Variants in ACOT12 observed in about 807,000 individuals in gnomAD.
ACOT12 encodes acyl-CoA thioesterase 12, also known as acetyl-coenzyme A thioesterase.
ACOT12 carries 51 observed loss-of-function variants against 67.7 expected under a neutral mutation model. That is an observed-to-expected ratio of 0.75 (90% confidence interval 0.60 to 0.95). The LOEUF (loss-of-function observed/expected upper bound fraction) is 0.95. Among genes scored for constraint, ACOT12 ranks in the 40% least tolerant of loss-of-function variants. The pLI, the probability that ACOT12 is intolerant of heterozygous loss-of-function variation, is 0.00. For synonymous variants in ACOT12, 251 were observed against 244.6 expected, an observed-to-expected ratio of 1.03 and a Z score of -0.24; for missense variants, 734 against 708.1, an observed-to-expected ratio of 1.04 and a Z score of -0.41.
At chr5:81,377,032 A>G (rs1760439370) in intron 2 of ACOT12, among the ~76,000 whole-genome samples, 1 of 152,196 alleles carries the variant, frequency 6.6e-6, no homozygotes, top group Admixed American at 6.5e-5. Flanking sequence ...CAGAGACACA[A>G]TAAAAAAAGA....
At chr5:81,329,056 G>C (rs889195416), downstream of ACOT12, among the ~76,000 whole-genome samples, 11 of 152,122 alleles carry the variant, frequency 7.2e-5, no homozygotes, top group African/African-American at 2.4e-4. Flanking sequence ...TGCCTCTGTT[G>C]TCAATTAGAG....
intron 11 of ACOT12, among the ~76,000 whole-genome samples, chr5:81,339,714 A>G (rs1004698294): frequency 1.3e-5 from 2 of 152,214 alleles, no homozygotes; most frequent in Non-Finnish European, 1.5e-5. Context: ...GCTGTTTCAC[A>G]TACCTGTGTG....
intron 3 of ACOT12, among the ~76,000 whole-genome samples, chr5:81,368,689 C>T (rs1024509868): frequency 2.0e-5 from 3 of 151,718 alleles, no homozygotes; most frequent in East Asian, 3.9e-4. Flanking sequence ...ATCTTAAATG[C>T]TTATATTTGA....
chr5:81,330,571 T>G, intron 14 of ACOT12, 28 bp from the exon 15 acceptor site: 1 of 1,609,210 alleles, frequency 6.2e-7, no homozygotes, highest in Non-Finnish European at 8.5e-7. Flanking sequence ...TACAATATTT[T>G]AATTTCTTAT....
chr5:81,309,862 C>T, the ACOT12 span, among the ~76,000 whole-genome samples: 3,481 of 152,146 alleles, frequency 0.023, 53 homozygotes, highest in Middle Eastern at 0.058. Context: ...TGTATCTTAC[C>T]GTTGGTGGGT....
At chr5:81,334,362 T>C (rs907035751) in intron 12 of ACOT12, among the ~76,000 whole-genome samples, 2 of 152,116 alleles carry the variant, frequency 1.3e-5, no homozygotes, top group Non-Finnish European at 2.9e-5. Context: ...TCAGAAGCCA[T>C]AAACAGTCAA....
chr5:81,390,858 C>T (rs1448325814), intron 1 of ACOT12, among the ~76,000 whole-genome samples: 2 of 152,126 alleles, frequency 1.3e-5, no homozygotes, highest in Non-Finnish European at 2.9e-5. Flanking sequence ...AAGCTTAATT[C>T]CAGCATCAGG....
At chr5:81,362,323 G>A (rs992182884) in intron 4 of ACOT12, among the ~76,000 whole-genome samples, 4 of 151,872 alleles carry the variant, frequency 2.6e-5, no homozygotes, top group African/African-American at 9.7e-5. Context: ...GCACCACCAC[G>A]CCCAGTTAAT....
chr5:81,367,775 G>A (rs1451777348), intron 3 of ACOT12, among the ~76,000 whole-genome samples: 1 of 152,084 alleles, frequency 6.6e-6, no homozygotes, highest in Non-Finnish European at 1.5e-5. Context: ...GGCAGAGATT[G>A]TTAGAATAAA....
intron 6 of ACOT12, among the ~76,000 whole-genome samples, chr5:81,346,325 T>G (rs1759380818): frequency 6.6e-6 from 1 of 152,234 alleles, no homozygotes; most frequent in South Asian, 2.1e-4. Context: ...GTCATCCTGA[T>G]AGCTCATGAC....
chr5:81,325,614 C>T (rs577678358), downstream of ACOT12, among the ~76,000 whole-genome samples: 1 of 152,130 alleles, frequency 6.6e-6, no homozygotes, highest in South Asian at 2.1e-4. Context: ...TACTTTTTTT[C>T]TAATCTATTT....
At chr5:81,314,879 G>A in the ACOT12 span, among the ~76,000 whole-genome samples, 5 of 151,978 alleles carry the variant, frequency 3.3e-5, no homozygotes, top group South Asian at 2.1e-4. Flanking sequence ...TGATGCAATC[G>A]TAGCTCACTG....
At chr5:81,323,919 C>CGTGTATATATACATATAT in the ACOT12 span, among the ~76,000 whole-genome samples, 139 of 142,926 alleles carry the variant, frequency 9.7e-4, no homozygotes, top group African/African-American at 3.4e-3. Context: ...CGTATATATA[C>CGTGTATATATACATATAT]GTGTATATAT....
intron 3 of ACOT12, among the ~76,000 whole-genome samples, chr5:81,367,901 T>C (rs1300952921): frequency 6.6e-6 from 1 of 152,190 alleles, no homozygotes; most frequent in Non-Finnish European, 1.5e-5. Flanking sequence ...AAAGCTTGTC[T>C]GGCTAAATTA....
the ACOT12 span, among the ~76,000 whole-genome samples, chr5:81,324,786 TG>T: frequency 6.6e-6 from 1 of 152,234 alleles, no homozygotes; most frequent in Non-Finnish European, 1.5e-5. Flanking sequence ...CACTGAAGGC[TG>T]CTCAGAGACT....
chr5:81,361,632 C>T (rs1759912598), intron 4 of ACOT12, among the ~76,000 whole-genome samples: 1 of 152,184 alleles, frequency 6.6e-6, no homozygotes, highest in African/African-American at 2.4e-5. Flanking sequence ...TTCTGTTCTG[C>T]AGAAGTACAT....
chr5:81,329,734 T>C (rs1448524293), downstream of ACOT12, among the ~76,000 whole-genome samples: 5 of 152,230 alleles, frequency 3.3e-5, no homozygotes, highest in Non-Finnish European at 7.3e-5. Context: ...TCACGGTCAA[T>C]ATTCTCTTTC....
At chr5:81,388,177 G>A (rs1251746779) in intron 1 of ACOT12, among the ~76,000 whole-genome samples, 1 of 152,104 alleles carries the variant, frequency 6.6e-6, no homozygotes, top group Non-Finnish European at 1.5e-5. Context: ...GGAACTTTCA[G>A]GAAAGAGTAG....
intron 10 of ACOT12, 48 bp from the exon 11 acceptor site, chr5:81,342,803 A>T (rs1325301252): frequency 6.4e-7 from 1 of 1,565,750 alleles, no homozygotes; most frequent in South Asian, 1.1e-5. Context: ...CAATACATGG[A>T]TGTGTGATCA....
Sources: gnomAD v4.1 joint callset for allele counts (sites outside exome capture counted in the v4.1 genomes callset) on GRCh38, gnomAD v4.1.1 for gene constraint, MANE v1.5 for transcripts, NCBI Gene and HGNC (gene_info 2026-07-23, HGNC 2026-07-21) for gene names.